DTX1: variants seen among roughly 807,000 people sequenced by gnomAD.
DTX1 encodes the protein deltex E3 ubiquitin ligase 1.
In DTX1, 26 loss-of-function variants were observed where a neutral mutation model predicts 57.8. The observed-to-expected ratio is 0.45, with a 90% CI of 0.33 to 0.62. DTX1 has a LOEUF of 0.62. Ranked by LOEUF, DTX1 falls within the 20% of genes least tolerant of loss-of-function variation. DTX1 has a pLI of 0.02. For synonymous variants in DTX1, 398 were observed against 394.1 expected (o/e 1.01, Z -0.12); for missense variants, 704 against 895.3 (o/e 0.79, Z 2.73).
intron 2 of DTX1, among the ~76,000 whole-genome samples, chr12:113,069,402 G>A (rs537155176): frequency 6.6e-6 from 1 of 152,244 alleles, no homozygotes; most frequent in African/African-American, 2.4e-5. Context: ...GTGCCACGCA[G>A]CCCTTCAGCC....
At position 113,058,302 on chromosome 12, in the gene DTX1, G is replaced by A; in HGVS notation, c.110G>A (p.Trp37Ter). The A allele has an allele frequency of 6.2e-7, 1 of 1,613,678 alleles. No individual in the cohort carries two copies. Residue 37 changes from tryptophan to a stop codon, truncating the protein, a stop_gained, in exon 2 of 10, where the codon TGG (tryptophan) becomes TAG (stop). Transcript: ENST00000548759. LOFTEE classifies it high-confidence loss of function. ...GAGTGGCTGAATGAGCACAGCCGCT[G>A]GCGGCCCTACACGGCCACCGTGTGC... ...VWEWLNEHSR[W>*]RPYTATVCHH...
chr12:113,096,448 A>C (rs1300481410), intron 9 of DTX1, among the ~76,000 whole-genome samples: 1 of 123,480 alleles, frequency 8.1e-6, no homozygotes. Context: ...TCAAAAAAAA[A>C]AAAAAAAAAA....
chr12:113,073,076 C>T (rs968682226), intron 2 of DTX1, among the ~76,000 whole-genome samples: 1 of 152,094 alleles, frequency 6.6e-6, no homozygotes, highest in Non-Finnish European at 1.5e-5. Flanking sequence ...CCTCCCCTGC[C>T]GAGCTCAGGA....
intron 3 of DTX1, among the ~76,000 whole-genome samples, chr12:113,092,795 A>G (rs1950257744): frequency 6.6e-6 from 1 of 152,194 alleles, no homozygotes; most frequent in Non-Finnish European, 1.5e-5. Context: ...ACATCTAACA[A>G]GCTTTGAGAG....
intron 3 of DTX1, among the ~76,000 whole-genome samples, chr12:113,079,227 AG>A (rs919280836): frequency 7.9e-5 from 12 of 152,168 alleles, no homozygotes; most frequent in African/African-American, 2.4e-4. Flanking sequence ...AGAAAAGACC[AG>A]GGGGGTTTGG....
intron 3 of DTX1, among the ~76,000 whole-genome samples, chr12:113,091,432 T>C (rs1183908951): frequency 8.0e-6 from 1 of 125,102 alleles, no homozygotes; most frequent in Non-Finnish European, 2.0e-5. Context: ...GGCTCCCTGG[T>C]ATCTGTGTGT....
At chr12:113,095,529 A>C in intron 9 of DTX1, 115 bp downstream of exon 9, 2 of 1,359,028 alleles carry the variant, frequency 1.5e-6, no homozygotes, top group Non-Finnish European at 2.0e-6. Flanking sequence ...ATTCCTCCCA[A>C]AAGCAGCACC....
chr12:113,096,849 G>C lies in DTX1; in HGVS notation c.1773G>C (p.Thr591=), dbSNP rs558158367. The change falls in exon 10 of 10, where the codon ACG becomes ACC. Residue 591 remains threonine, a synonymous_variant. Transcript: ENST00000548759. ...HHKTEFGSNL[T]GHGYPDASYL... ...AGACCGAGTTTGGATCCAACCTCAC[G>C]GGCCACGGCTACCCGGACGCTAGCT... is the stretch of plus-strand genomic sequence containing the variant. 3.0e-5 allele frequency: 48 copies of C among 1,613,756 alleles called. No homozygotes were observed. Among genetic ancestry groups the C allele is most frequent in the South Asian group, 2.2e-4 (20 of 91,092 alleles).
chr12:113,094,766 G>C, intron 6 of DTX1, 23 bp from the exon 7 acceptor site: 1 of 1,607,914 alleles, frequency 6.2e-7, no homozygotes, highest in Non-Finnish European at 8.5e-7. Flanking sequence ...CCAGTCCTCA[G>C]TCTCCCCTGC....
At chr12:113,095,545 A>C in intron 9 of DTX1, 131 bp downstream of exon 9, 1 of 1,132,960 alleles carries the variant, frequency 8.8e-7, no homozygotes, top group Non-Finnish European at 1.3e-6. Flanking sequence ...GCACCCGAAC[A>C]GTAACGACCA....
chr12:113,096,582 G>T (rs1950297613), intron 9 of DTX1, 133 bp from the exon 10 acceptor site: 3 of 735,366 alleles, frequency 4.1e-6, no homozygotes, highest in Non-Finnish European at 4.4e-6. Flanking sequence ...CAAGCCAGCA[G>T]TACGTAGTTG....
chr12:113,081,262 G>A (rs2044815250), intron 3 of DTX1, among the ~76,000 whole-genome samples: 1 of 152,058 alleles, frequency 6.6e-6, no homozygotes, highest in South Asian at 2.1e-4. Context: ...CCGGGAGGTG[G>A]AGGTTGCAGT....
chr12:113,077,551 C>T lies in DTX1; in HGVS notation c.387C>T (p.Ile129=). ...ACGATATGGACATCTGCATCACCAT[C>T]CAGAACGCCTACGAGAAGCAGCACC... The part of the protein sequence containing the change: ...TAYDMDICIT[I]QNAYEKQHPW... Residue 129 remains isoleucine, a synonymous_variant, in exon 3 of 10, where the codon ATC becomes ATT. Coordinates refer to ENST00000548759, the MANE Select transcript of DTX1 (RefSeq NM_004416.3). The surrounding 1 kb of genome is among the most constrained non-coding windows in gnomAD (Gnocchi z 7.8). 1 of 1,613,930 alleles carries T rather than the reference C, an allele frequency of 6.2e-7. No individual in the cohort carries two copies. The highest frequency in any genetic ancestry group is 8.5e-7 in the Non-Finnish European group (1 of 1,179,938).
intron 3 of DTX1, among the ~76,000 whole-genome samples, chr12:113,086,211 A>G (rs2044855913): frequency 6.6e-6 from 1 of 151,738 alleles, no homozygotes; most frequent in African/African-American, 2.4e-5. Flanking sequence ...GTGAGCCAAG[A>G]TCGAGCCACT....
chr12:113,058,485 G>T (rs777380882), intron 2 of DTX1, 34 bp downstream of exon 2: 15 of 1,566,594 alleles, frequency 9.6e-6, no homozygotes, highest in Non-Finnish European at 1.3e-5. Context: ...CACCCGCCCC[G>T]CCGAGCCATC....
At chr12:113,094,219 T>C (rs772910068) in intron 6 of DTX1, 120 bp downstream of exon 6, 58 of 857,218 alleles carry the variant, frequency 6.8e-5, no homozygotes, top group Non-Finnish European at 9.2e-5. Flanking sequence ...TTCTTCACTT[T>C]ATGAGGTTTT....
At chr12:113,058,606 A>G (rs1179925639) in intron 2 of DTX1, among the ~76,000 whole-genome samples, 155 bp downstream of exon 2, 1 of 152,196 alleles carries the variant, frequency 6.6e-6, no homozygotes, top group Non-Finnish European at 1.5e-5. Context: ...AACCTTGTCC[A>G]GTTTAAGACT....
chr12:113,091,449 G>A (rs546260195), intron 3 of DTX1, among the ~76,000 whole-genome samples: 2 of 152,230 alleles, frequency 1.3e-5, no homozygotes, highest in South Asian at 2.1e-4. Context: ...GTGTCTGTGT[G>A]TGCATGTATC....
chr12:113,071,483 G>T lies in DTX1; in HGVS notation c.260-5941G>T, dbSNP rs574338140. On this transcript the variant is annotated intron_variant, in intron 2 of 9. Coordinates refer to ENST00000548759, the MANE Select transcript of DTX1 (RefSeq NM_004416.3). ...ACAGGCCCCTAACTGCCTGGGGGAC[G>T]CAGACCCTGTGGCCAGCACAGCAGG... is the stretch of plus-strand genomic sequence containing the variant. Among the ~76,000 whole-genome samples the T allele has an allele frequency of 5.9e-5, 9 of 152,372 alleles. 1 individual carries two copies. The South Asian group carries it at 1.9e-3, about 32-fold the overall frequency.
Sources: allele counts gnomAD v4.1 joint callset (sites outside exome capture counted in the v4.1 genomes callset), GRCh38; gene constraint gnomAD v4.1.1; non-coding constraint Gnocchi (gnomAD v3.1); transcripts MANE v1.5; gene names NCBI Gene and HGNC (gene_info 2026-07-23, HGNC 2026-07-21).